LIMK2: variants seen among roughly 807,000 people sequenced by gnomAD.
LIMK2 encodes LIM domain kinase 2.
LIMK2 carries 35 observed loss-of-function variants against 75.7 expected under a neutral mutation model. The ratio of observed to expected loss-of-function variants is 0.46; its 90% CI spans 0.35 to 0.61. The LOEUF is 0.61. Ranked by LOEUF, LIMK2 falls within the 20% of genes least tolerant of loss-of-function variation. LIMK2 has a pLI of 0.00. For synonymous variants in LIMK2, 301 were observed against 319.2 expected, an observed-to-expected ratio of 0.94 and a Z score of 0.61; for missense variants, 623 against 831.0, an observed-to-expected ratio of 0.75 and a Z score of 3.08.
At chr22:31,277,200 T>G in intron 15 of LIMK2, 1 of 1,608,812 alleles carries the variant, frequency 6.2e-7, no homozygotes, top group Non-Finnish European at 8.5e-7. Flanking sequence ...CCCGACCTCG[T>G]AGCAACAGCA....
intron 2 of LIMK2, among the ~76,000 whole-genome samples, chr22:31,250,118 T>C (rs2048710643): frequency 6.6e-6 from 1 of 152,106 alleles, no homozygotes; most frequent in South Asian, 2.1e-4. Context: ...AAAAAAGGGA[T>C]AGTTTGCCTG....
chr22:31,271,290 T>C, intron 12 of LIMK2, 89 bp downstream of exon 12: 6 of 1,127,462 alleles, frequency 5.3e-6, no homozygotes, highest in South Asian at 2.5e-5. Context: ...CCCCTCTGGC[T>C]AGAGGGCAGA....
At chr22:31,258,243 C>T (rs769168779) in intron 2 of LIMK2, 48 bp from the exon 3 acceptor site, 1 of 1,549,222 alleles carries the variant, frequency 6.5e-7, no homozygotes, top group Non-Finnish European at 8.7e-7. Flanking sequence ...CTTATGTGGC[C>T]TGGTTCCAGG....
chr22:31,259,018 G>T, intron 3 of LIMK2, 103 bp from the exon 4 acceptor site: 2 of 670,240 alleles, frequency 3.0e-6, no homozygotes, highest in Non-Finnish European at 5.5e-6. Flanking sequence ...TTTGACGGGG[G>T]CCTTGCTTGG....
At chr22:31,215,789 T>G (rs1025675330) in intron 1 of LIMK2, among the ~76,000 whole-genome samples, 5 of 152,116 alleles carry the variant, frequency 3.3e-5, no homozygotes, top group African/African-American at 9.7e-5. Context: ...CTGGGCTACA[T>G]AGCAAGATCC....
At chr22:31,258,113 T>G (rs1436553821) in intron 2 of LIMK2, among the ~76,000 whole-genome samples, 178 bp from the exon 3 acceptor site, 1 of 152,194 alleles carries the variant, frequency 6.6e-6, no homozygotes, top group Non-Finnish European at 1.5e-5. Flanking sequence ...TTCTGGGGCC[T>G]TGTTCAGTCT....
chr22:31,234,742 AT>A (rs2048558253), intron 2 of LIMK2, among the ~76,000 whole-genome samples: 6 of 145,118 alleles, frequency 4.1e-5, no homozygotes, highest in African/African-American at 1.1e-4. Flanking sequence ...AAAAAAAAAA[AT>A]TCCTTAATTT....
intron 1 of LIMK2, among the ~76,000 whole-genome samples, chr22:31,220,987 A>C (rs974567283): frequency 6.6e-6 from 1 of 151,930 alleles, no homozygotes; most frequent in South Asian, 2.1e-4. Flanking sequence ...TTTTTTTTTG[A>C]TTAAGGGAAA....
At chr22:31,240,896 G>T (rs550857468) in intron 2 of LIMK2, among the ~76,000 whole-genome samples, 1 of 152,134 alleles carries the variant, frequency 6.6e-6, no homozygotes, top group Admixed American at 6.5e-5. Context: ...ATTAAGCTAC[G>T]TTCAGGATAA....
At chr22:31,278,024 C>A (rs1050759604) in intron 15 of LIMK2, among the ~76,000 whole-genome samples, 4 of 152,114 alleles carry the variant, frequency 2.6e-5, no homozygotes, top group Admixed American at 1.3e-4. Context: ...TTGATAACTG[C>A]ATTTTCTCTA....
Position 31,267,811 on chromosome 22 carries a change from G to A in LIMK2, c.1164G>A (p.Val388=). Residue 388 remains valine (V), a synonymous_variant, in exon 10 of 16, where the codon GTG becomes GTA. Transcript: ENST00000331728. ...KVMRSLDHPN[V]LKFIGVLYKD... is the part of the protein sequence containing the mutation. Reference sequence around the variant, plus strand: ...TGCGCAGCCTGGACCACCCCAATGTGCTCAAGTTCATTGGTGTGCTGTACA... The same window carrying A: ...TGCGCAGCCTGGACCACCCCAATGTACTCAAGTTCATTGGTGTGCTGTACA... 1 of 1,611,866 alleles carries A rather than the reference G, an allele frequency of 6.2e-7. No homozygotes were observed. Among genetic ancestry groups the A allele is most frequent in the East Asian group, 2.2e-5 (1 of 44,840 alleles).
chr22:31,254,884 G>A (rs183514735), intron 2 of LIMK2, among the ~76,000 whole-genome samples: 161 of 152,150 alleles, frequency 1.1e-3, no homozygotes, highest in African/African-American at 3.7e-3. Flanking sequence ...ACTTGAACTC[G>A]GGAAGCAGAG....
rs754425845 is a variant in LIMK2 at position 31,272,649 on chromosome 22, G to A, written c.1503G>A (p.Lys501=). The change falls in exon 13 of 16, where the codon AAG becomes AAA. Residue 501 remains lysine (K), a synonymous_variant. Coordinates refer to ENST00000331728, the MANE Select transcript of LIMK2 (RefSeq NM_005569.4). ...GCACCTTGCGCAAGAACGACCGCAAGAAGCGCTACACGGTGGTGGGAAACC... is the reference window on the plus strand; with the variant it reads ...GCACCTTGCGCAAGAACGACCGCAAAAAGCGCTACACGGTGGTGGGAAACC... ...KKRTLRKNDR[K]KRYTVVGNPY... is the part of the protein sequence containing the mutation. 6.2e-7 allele frequency: 1 copy of A among 1,613,978 alleles called. No individual in the cohort carries two copies. The highest frequency in any genetic ancestry group is 8.5e-7 in the Non-Finnish European group (1 of 1,179,950).
chr22:31,277,580 C>G (rs957262093), intron 15 of LIMK2: 1 of 979,914 alleles, frequency 1.0e-6, no homozygotes, highest in African/African-American at 1.8e-5. Flanking sequence ...TATTTGTTTT[C>G]TAATACCTCT....
chr22:31,274,225 G>A (rs943081539), intron 14 of LIMK2, among the ~76,000 whole-genome samples: 5 of 152,018 alleles, frequency 3.3e-5, no homozygotes, highest in Non-Finnish European at 7.4e-5. Flanking sequence ...CAGGTACCAC[G>A]TGGACAGAGT....
chr22:31,278,039 A>G (rs1436256894), intron 15 of LIMK2, among the ~76,000 whole-genome samples: 1 of 152,134 alleles, frequency 6.6e-6, no homozygotes, highest in Non-Finnish European at 1.5e-5. Flanking sequence ...TCTCTAAGAT[A>G]TGGGAGGGAA....
At chr22:31,215,282 A>G (rs1168516287) in intron 1 of LIMK2, among the ~76,000 whole-genome samples, 1 of 152,182 alleles carries the variant, frequency 6.6e-6, no homozygotes, top group Non-Finnish European at 1.5e-5. Context: ...TTAAACTTTC[A>G]CTTGTTATTC....
chr22:31,273,989 T>A (rs1334936525), intron 14 of LIMK2, among the ~76,000 whole-genome samples: 1 of 148,988 alleles, frequency 6.7e-6, no homozygotes, highest in Non-Finnish European at 1.5e-5. Flanking sequence ...GTGAGCTACC[T>A]CGCCCGGCCA....
chr22:31,234,719 C>CAAAAAAA (rs35909225), intron 2 of LIMK2, among the ~76,000 whole-genome samples: 1 of 68,452 alleles, frequency 1.5e-5, no homozygotes, highest in African/African-American at 4.8e-5. Context: ...GACTCCATCT[C>CAAAAAAA]AAAAAAAAAA....
Sources: allele counts gnomAD v4.1 joint callset (sites outside exome capture counted in the v4.1 genomes callset), GRCh38; gene constraint gnomAD v4.1.1; transcripts MANE v1.5; gene names NCBI Gene and HGNC (gene_info 2026-07-23, HGNC 2026-07-21).